The following TYW1B variants were observed in gnomAD, a reference collection of about 807,000 sequenced individuals.
The protein encoded by TYW1B is tRNA-yW synthesizing protein 1 homolog B.
Under a neutral mutation model 86.9 loss-of-function variants are expected in TYW1B, and 73 were observed. The ratio of observed to expected loss-of-function variants is 0.84; its 90% CI spans 0.70 to 1.02. The LOEUF (loss-of-function observed/expected upper bound fraction) is 1.02, where lower values mean the gene tolerates loss of function less well. Among genes scored for constraint, TYW1B ranks in the 50% least tolerant of loss-of-function variants. The pLI is 0.00. For synonymous variants in TYW1B, 248 were observed against 292.8 expected (o/e 0.85, Z 1.56); for missense variants, 637 against 827.4 (o/e 0.77, Z 2.82).
intron 11 of TYW1B, among the ~76,000 whole-genome samples, chr7:72,644,065 G>C (rs1290510056): frequency 1.3e-5 from 2 of 152,136 alleles, no homozygotes; most frequent in Non-Finnish European, 2.9e-5. Flanking sequence ...TGAGTTTACT[G>C]CATGAATAGA....
intron 11 of TYW1B, among the ~76,000 whole-genome samples, chr7:72,673,069 G>A (rs1162275811): frequency 6.6e-6 from 1 of 152,194 alleles, no homozygotes; most frequent in African/African-American, 2.4e-5. Context: ...CTTGGAGGCT[G>A]AGGCAGGAGA....
chr7:72,682,674 C>G (rs1326572584), intron 11 of TYW1B, among the ~76,000 whole-genome samples: 2 of 152,164 alleles, frequency 1.3e-5, no homozygotes, highest in Admixed American at 1.3e-4. Flanking sequence ...GAAAAATCAA[C>G]AACTGTTCTT....
chr7:72,608,900 T>C (rs1811863198), intron 13 of TYW1B, among the ~76,000 whole-genome samples: 1 of 152,200 alleles, frequency 6.6e-6, no homozygotes, highest in Admixed American at 6.5e-5. Flanking sequence ...GTTTTCTATC[T>C]GGGTCGTGGT....
At chr7:72,787,918 T>C (rs1274967970) in intron 6 of TYW1B, among the ~76,000 whole-genome samples, 4 of 152,212 alleles carry the variant, frequency 2.6e-5, no homozygotes, top group African/African-American at 9.6e-5. Flanking sequence ...ACTGTACATT[T>C]AGATCACCAA....
At chr7:72,632,034 C>T (rs1208213093) in intron 11 of TYW1B, among the ~76,000 whole-genome samples, 4 of 151,644 alleles carry the variant, frequency 2.6e-5, no homozygotes, top group African/African-American at 7.3e-5. Context: ...CACTGGCTCA[C>T]GCCTGTAATC....
rs1788805489 is a variant in TYW1B at position 72,820,318 on chromosome 7, C to A, written c.136-4837G>T. Among the ~76,000 whole-genome samples the A allele has an allele frequency of 2.6e-5, 4 of 152,058 alleles. No homozygotes were observed. The South Asian group carries it at 8.3e-4, about 32-fold the overall frequency. On this transcript the variant is annotated intron_variant, in intron 2 of 13. Coordinates refer to ENST00000620995, the MANE Select transcript of TYW1B (RefSeq NM_001145440.3). ...TTTCAACCAAGAATTTCATATCCAG[C>A]CAAATTAAGCTTCATAAGCGAAGGA...
At chr7:72,774,565 A>G (rs1225036015) in intron 7 of TYW1B, among the ~76,000 whole-genome samples, 7 of 151,898 alleles carry the variant, frequency 4.6e-5, no homozygotes, top group African/African-American at 1.7e-4. Context: ...TACTAAAAAT[A>G]CAAAAAATTA....
At chr7:72,704,613 T>C (rs1246904844) in intron 10 of TYW1B, among the ~76,000 whole-genome samples, 5 of 151,686 alleles carry the variant, frequency 3.3e-5, no homozygotes, top group South Asian at 2.1e-4. Flanking sequence ...GTCAATCTTA[T>C]CTCAAGTAAT....
chr7:72,783,619 A>G lies in TYW1B; in HGVS notation c.847-6086T>C, dbSNP rs534396572. ...TCACTGGTCACCGTTCAGTTTTAAA[A>G]TGACCAATTTTCACCATTACTCAAA... On this transcript the variant is annotated intron_variant, in intron 6 of 13. Transcript: ENST00000620995. Among the ~76,000 whole-genome samples the G allele has an allele frequency of 2.6e-5, 4 of 152,332 alleles. No homozygotes were observed. In the South Asian group the frequency reaches 8.3e-4, roughly 32 times the overall value.
At chr7:72,620,298 G>A (rs1812182452) in intron 12 of TYW1B, among the ~76,000 whole-genome samples, 1 of 152,212 alleles carries the variant, frequency 6.6e-6, no homozygotes, top group Admixed American at 6.5e-5. Flanking sequence ...TTGGGAGGCT[G>A]AGGCAGGAGA....
intron 11 of TYW1B, among the ~76,000 whole-genome samples, chr7:72,632,303 G>GTA (rs1388872984): frequency 2.8e-4 from 16 of 56,514 alleles, no homozygotes; most frequent in African/African-American, 1.6e-3. Flanking sequence ...ATATATACGT[G>GTA]TATATATATT....
chr7:72,701,304 C>T lies in TYW1B; in HGVS notation c.1371-6482G>A, dbSNP rs71553269. The stretch of plus-strand genomic sequence containing the variant: ...TTTGCGACAAGGTCTCACTCTGTCC[C>T]CCAGGCTGGAGTGCAGTCGCATGAT... On this transcript the variant is annotated intron_variant, in intron 10 of 13. Coordinates refer to ENST00000620995, the MANE Select transcript of TYW1B (RefSeq NM_001145440.3). Among the ~76,000 whole-genome samples the T allele has an allele frequency of 8.4e-3, 1,276 of 151,562 alleles. 13 individuals are homozygous for T. Among genetic ancestry groups the T allele is most frequent in the Non-Finnish European group, 0.011 (714 of 67,976 alleles).
chr7:72,657,159 T>A, intron 11 of TYW1B, among the ~76,000 whole-genome samples: 1 of 152,022 alleles, frequency 6.6e-6, no homozygotes, highest in East Asian at 1.9e-4. Flanking sequence ...TATCCTAAAA[T>A]AGAACCAAAT....
chr7:72,630,653 A>C (rs1812461745), intron 11 of TYW1B, among the ~76,000 whole-genome samples: 1 of 152,324 alleles, frequency 6.6e-6, no homozygotes, highest in African/African-American at 2.4e-5. Context: ...TTAATAAGGA[A>C]TATTAGGCAG....
At chr7:72,810,051 G>A (rs1328598409) in intron 4 of TYW1B, among the ~76,000 whole-genome samples, 16 of 149,772 alleles carry the variant, frequency 1.1e-4, no homozygotes, top group Non-Finnish European at 1.6e-4. Context: ...CTCACTTTGG[G>A]CAGATCACAT....
At chr7:72,765,387 A>G (rs1422180061) in intron 7 of TYW1B, among the ~76,000 whole-genome samples, 15 of 152,144 alleles carry the variant, frequency 9.9e-5, no homozygotes, top group African/African-American at 3.6e-4. Flanking sequence ...TGTAGACTGG[A>G]CTAGATTCTG....
At chr7:72,801,165 C>A (rs1403028615) in intron 6 of TYW1B, among the ~76,000 whole-genome samples, 2 of 152,050 alleles carry the variant, frequency 1.3e-5, no homozygotes, top group African/African-American at 2.4e-5. Context: ...CCCGTCTCTA[C>A]TAAAAATACA....
At chr7:72,631,250 C>G (rs370922479) in intron 11 of TYW1B, among the ~76,000 whole-genome samples, 25 of 152,172 alleles carry the variant, frequency 1.6e-4, no homozygotes, top group African/African-American at 5.8e-4. Flanking sequence ...TGGTGGCTCA[C>G]GCCTGTAATC....
chr7:72,592,091 G>T (rs1220132756), intron 13 of TYW1B, among the ~76,000 whole-genome samples: 1 of 148,858 alleles, frequency 6.7e-6, no homozygotes, highest in Non-Finnish European at 1.5e-5. Context: ...CCAAAGTGCT[G>T]GGATTACAGG....
Sources: gnomAD v4.1 joint callset for allele counts (sites outside exome capture counted in the v4.1 genomes callset) on GRCh38, gnomAD v4.1.1 for gene constraint, MANE v1.5 for transcripts, NCBI Gene and HGNC (gene_info 2026-07-23, HGNC 2026-07-21) for gene names.